ADGRB3: variants seen among roughly 807,000 people sequenced by gnomAD.
ADGRB3 encodes the protein brain-specific angiogenesis inhibitor 3.
In ADGRB3, 37 loss-of-function variants were observed where a neutral mutation model predicts 193.4. That is an observed-to-expected ratio of 0.19 (90% confidence interval 0.15 to 0.25). The LOEUF (loss-of-function observed/expected upper bound fraction) is 0.25. Ranked by LOEUF, ADGRB3 falls within the 10% of genes least tolerant of loss-of-function variation. The pLI is 1.00. For synonymous variants in ADGRB3, 690 were observed against 644.2 expected, an observed-to-expected ratio of 1.07 and a Z score of -1.08; for missense variants, 1,637 against 1,852.9, an observed-to-expected ratio of 0.88 and a Z score of 2.14.
intron 17 of ADGRB3, among the ~76,000 whole-genome samples, chr6:69,149,902 A>ATC (rs1217874512): frequency 1.4e-5 from 2 of 143,610 alleles, no homozygotes; most frequent in East Asian, 4.1e-4. Context: ...CTCTCTCTTT[A>ATC]TCTCTCTCTC....
At chr6:69,217,948 C>G (rs544194360) in intron 17 of ADGRB3, among the ~76,000 whole-genome samples, 2 of 151,642 alleles carry the variant, frequency 1.3e-5, no homozygotes, top group Non-Finnish European at 2.9e-5. Flanking sequence ...ATGAGGAGCT[C>G]GCCTCACTCT....
intron 3 of ADGRB3, among the ~76,000 whole-genome samples, chr6:68,922,002 A>G (rs1767057006): frequency 6.6e-6 from 1 of 152,210 alleles, no homozygotes; most frequent in South Asian, 2.1e-4. Context: ...GAAGTACTCT[A>G]TGAATGAAAA....
chr6:69,215,162 C>T (rs964176126), intron 17 of ADGRB3, among the ~76,000 whole-genome samples: 1 of 152,096 alleles, frequency 6.6e-6, no homozygotes, highest in African/African-American at 2.4e-5. Context: ...GCAGTAGATG[C>T]AGTGTCACAA....
At chr6:69,225,130 A>T (rs1482353024) in intron 17 of ADGRB3, among the ~76,000 whole-genome samples, 1 of 152,102 alleles carries the variant, frequency 6.6e-6, no homozygotes, top group African/African-American at 2.4e-5. Flanking sequence ...GTGCTATCTG[A>T]CTTGCATTCA....
intron 4 of ADGRB3, among the ~76,000 whole-genome samples, chr6:68,935,311 C>A (rs758605776): frequency 6.6e-6 from 1 of 152,202 alleles, no homozygotes; most frequent in East Asian, 1.9e-4. Context: ...CAAACTCCTT[C>A]TTCCCTAGAG....
At chr6:68,951,563 A>C (rs1003223244) in intron 6 of ADGRB3, among the ~76,000 whole-genome samples, 86 of 152,114 alleles carry the variant, frequency 5.7e-4, no homozygotes, top group African/African-American at 2.0e-3. Context: ...TGCCAATCAC[A>C]GACTAAATTT....
At chr6:69,163,617 G>A (rs1174478782) in intron 17 of ADGRB3, among the ~76,000 whole-genome samples, 2 of 152,084 alleles carry the variant, frequency 1.3e-5, no homozygotes, top group Admixed American at 1.3e-4. Context: ...CCAAAGCCCA[G>A]GTGAAATAGG....
chr6:69,171,129 C>T (rs1775260704), intron 17 of ADGRB3, among the ~76,000 whole-genome samples: 3 of 122,436 alleles, frequency 2.5e-5, no homozygotes, highest in African/African-American at 7.8e-5. Context: ...TAAGAAGATA[C>T]TTACATTCTC....
At chr6:69,346,720 T>C (rs1416721295) in intron 26 of ADGRB3, among the ~76,000 whole-genome samples, 2 of 152,104 alleles carry the variant, frequency 1.3e-5, no homozygotes, top group Non-Finnish European at 2.9e-5. Flanking sequence ...CTGGAGAGGA[T>C]GTGGAGAAAT....
intron 6 of ADGRB3, 97 bp from the exon 7 acceptor site, chr6:68,955,927 T>C (rs1768058296): frequency 8.2e-7 from 1 of 1,216,160 alleles, no homozygotes. Context: ...GTCCATTGAT[T>C]GGGGTTCATC....
intron 3 of ADGRB3, among the ~76,000 whole-genome samples, chr6:68,655,283 A>G (rs930161039): frequency 1.3e-5 from 2 of 151,498 alleles, no homozygotes; most frequent in African/African-American, 4.8e-5. Context: ...TTCTCTAAAC[A>G]TCAGGGTTTT....
intron 3 of ADGRB3, among the ~76,000 whole-genome samples, chr6:68,815,819 G>A (rs1004613880): frequency 9.9e-5 from 15 of 151,992 alleles, no homozygotes; most frequent in Admixed American, 5.3e-4. Flanking sequence ...CATTGCTTTA[G>A]GATTCATTCA....
At chr6:69,134,643 C>T (rs1774102202) in intron 17 of ADGRB3, among the ~76,000 whole-genome samples, 1 of 151,888 alleles carries the variant, frequency 6.6e-6, no homozygotes, top group South Asian at 2.1e-4. Flanking sequence ...TTCTCTACTA[C>T]TTCATAAAGT....
chr6:68,712,476 T>C (rs1399034892), intron 3 of ADGRB3, among the ~76,000 whole-genome samples: 2 of 151,998 alleles, frequency 1.3e-5, no homozygotes, highest in Non-Finnish European at 2.9e-5. Context: ...GAAATCTATA[T>C]TATTCTAACA....
chr6:69,260,567 C>G (rs995721846), intron 20 of ADGRB3, among the ~76,000 whole-genome samples: 10 of 152,124 alleles, frequency 6.6e-5, no homozygotes, highest in Non-Finnish European at 1.0e-4. Flanking sequence ...CGTCTTCTAG[C>G]CTGTCTCAAC....
At chr6:68,727,291 G>A (rs1765690586) in intron 3 of ADGRB3, among the ~76,000 whole-genome samples, 1 of 151,542 alleles carries the variant, frequency 6.6e-6, no homozygotes, top group Non-Finnish European at 1.5e-5. Flanking sequence ...TCTTCTCTAG[G>A]CATATTGTTT....
At chr6:68,933,108 A>G (rs531155025) in intron 4 of ADGRB3, among the ~76,000 whole-genome samples, 6 of 150,934 alleles carry the variant, frequency 4.0e-5, no homozygotes, top group East Asian at 1.9e-4. Context: ...ATCATATAAT[A>G]TATATATTTA....
intron 12 of ADGRB3, among the ~76,000 whole-genome samples, chr6:69,015,535 CTT>C (rs1448270395): frequency 6.6e-6 from 1 of 151,932 alleles, no homozygotes; most frequent in African/African-American, 2.4e-5. Flanking sequence ...GAATGGGTCT[CTT>C]GAGTTTGTGG....
intron 20 of ADGRB3, among the ~76,000 whole-genome samples, chr6:69,256,885 C>T (rs1282403259): frequency 6.6e-6 from 1 of 152,098 alleles, no homozygotes. Context: ...CCCATCAATA[C>T]CTAATTTATT....
Sources: gnomAD v4.1 joint callset for allele counts (sites outside exome capture counted in the v4.1 genomes callset) on GRCh38, gnomAD v4.1.1 for gene constraint, MANE v1.5 for transcripts, NCBI Gene and HGNC (gene_info 2026-07-23, HGNC 2026-07-21) for gene names.